The following ZNF804B variants were observed in gnomAD, a reference collection of about 807,000 sequenced individuals.
ZNF804B encodes the protein zinc finger protein 804B, also known as zinc finger 804B.
Under a neutral mutation model 101.4 loss-of-function variants are expected in ZNF804B, and 80 were observed. The observed-to-expected ratio is 0.79, with a 90% CI of 0.66 to 0.95. ZNF804B has a LOEUF of 0.95. Ranked by LOEUF, ZNF804B falls within the 40% of genes least tolerant of loss-of-function variation. ZNF804B has a pLI of 0.00. For missense variants in ZNF804B, 1,673 were observed against 1,561.9 expected (o/e 1.07, Z -1.20); for synonymous variants, 622 against 558.8 (o/e 1.11, Z -1.59).
At chr7:88,879,158 G>A (rs773701390) in intron 1 of ZNF804B, among the ~76,000 whole-genome samples, 5 of 152,230 alleles carry the variant, frequency 3.3e-5, no homozygotes, top group South Asian at 2.1e-4. Context: ...GAATGTTAGC[G>A]TCAATTACTG....
At chr7:88,929,601 T>G (rs962928108) in intron 1 of ZNF804B, among the ~76,000 whole-genome samples, 4 of 151,986 alleles carry the variant, frequency 2.6e-5, no homozygotes, top group African/African-American at 7.2e-5. Context: ...ATCTGTCACT[T>G]TCTCTGTATG....
At chr7:88,927,002 A>G (rs1042415130) in intron 1 of ZNF804B, among the ~76,000 whole-genome samples, 1 of 151,550 alleles carries the variant, frequency 6.6e-6, no homozygotes, top group African/African-American at 2.4e-5. Flanking sequence ...AAAGAATTAA[A>G]AAGTGAGTGG....
At chr7:89,053,414 A>G (rs1789239318) in intron 1 of ZNF804B, among the ~76,000 whole-genome samples, 1 of 152,090 alleles carries the variant, frequency 6.6e-6, no homozygotes, top group Admixed American at 6.6e-5. Flanking sequence ...GGCAATTTAC[A>G]CTGAATAATA....
chr7:88,846,049 G>C (rs1485915429), intron 1 of ZNF804B, among the ~76,000 whole-genome samples: 1 of 152,172 alleles, frequency 6.6e-6, no homozygotes, highest in Admixed American at 6.5e-5. Flanking sequence ...AGTGCAGAAA[G>C]GCACTGGTGG....
At chr7:88,806,253 T>C (rs1766393024) in intron 1 of ZNF804B, among the ~76,000 whole-genome samples, 1 of 152,188 alleles carries the variant, frequency 6.6e-6, no homozygotes, top group Non-Finnish European at 1.5e-5. Context: ...AGTCAAATAT[T>C]AAAATTATTT....
At chr7:89,026,546 G>C (rs1003041125) in intron 1 of ZNF804B, among the ~76,000 whole-genome samples, 1 of 152,108 alleles carries the variant, frequency 6.6e-6, no homozygotes, top group Non-Finnish European at 1.5e-5. Flanking sequence ...CAAAAATTTG[G>C]TTATGAAATA....
chr7:88,922,537 T>G lies in ZNF804B; in HGVS notation c.108+162453T>G, dbSNP rs370953241. ...TATGTATTAAAGGATATTTATGTACTAAAGCTAATTCTTGTCAACCCTTAT... is the reference window on the plus strand; with the variant it reads ...TATGTATTAAAGGATATTTATGTACGAAAGCTAATTCTTGTCAACCCTTAT... On this transcript the variant is annotated intron_variant, in intron 1 of 3. Transcript: ENST00000333190. Among the ~76,000 whole-genome samples, 26 of 152,140 alleles carry G rather than the reference T, an allele frequency of 1.7e-4. No homozygotes were observed. The East Asian group carries it at 4.8e-3, about 28-fold the overall frequency.
intron 1 of ZNF804B, among the ~76,000 whole-genome samples, chr7:89,174,504 A>G (rs1791288871): frequency 1.3e-5 from 2 of 152,006 alleles, no homozygotes; most frequent in South Asian, 4.1e-4. Flanking sequence ...CTGTTGATGG[A>G]CACACAAGTT....
chr7:89,290,007 C>G (rs978714527), intron 2 of ZNF804B, among the ~76,000 whole-genome samples: 1 of 152,148 alleles, frequency 6.6e-6, no homozygotes, highest in Non-Finnish European at 1.5e-5. Context: ...TGTCTTGCAT[C>G]TTGGATACCA....
rs2116010936 is a variant in ZNF804B at position 89,336,485 on chromosome 7, A to G, written c.3503A>G (p.His1168Arg). ...ATCCTACAGCTACAAGCCCAGCAGC[A>G]TATGCAGAAGCAACTCCTATCAAAG... ...YKILQLQAQQHMQKQLLSKHL... is the reference protein window; with the variant it reads ...YKILQLQAQQRMQKQLLSKHL... Residue 1168 changes from histidine (H) to arginine (R), a missense_variant, in exon 4 of 4, where the codon CAT becomes CGT. Coordinates refer to ENST00000333190, the MANE Select transcript of ZNF804B (RefSeq NM_181646.5). 1 of 1,614,104 alleles carries G rather than the reference A, an allele frequency of 6.2e-7. No homozygotes were observed. The highest frequency in any genetic ancestry group is 2.2e-5 in the East Asian group (1 of 44,872).
chr7:88,877,272 T>G (rs1791968492), intron 1 of ZNF804B, among the ~76,000 whole-genome samples: 2 of 150,428 alleles, frequency 1.3e-5, no homozygotes, highest in African/African-American at 4.9e-5. Context: ...AGATACTGAC[T>G]GATAAGTAGA....
chr7:88,794,408 G>A (rs1790439547), intron 1 of ZNF804B: 1 of 1,613,612 alleles, frequency 6.2e-7, no homozygotes. Context: ...GACAGTTTAT[G>A]AGTTTGTGTG....
At chr7:89,302,131 T>G (rs547255587) in intron 2 of ZNF804B, among the ~76,000 whole-genome samples, 5 of 151,998 alleles carry the variant, frequency 3.3e-5, no homozygotes, top group African/African-American at 1.2e-4. Context: ...ACCAATTGTC[T>G]ACATCTGTTG....
chr7:88,871,133 T>C (rs1222614576), intron 1 of ZNF804B, among the ~76,000 whole-genome samples: 15 of 152,178 alleles, frequency 9.9e-5, no homozygotes. Flanking sequence ...AAATGATTGA[T>C]ATGTTGAATT....
In ZNF804B at chr7:88,932,757, T is replaced by TA. The variant is rs1455074289; in HGVS notation, c.108+172679dup. 3.3e-5 allele frequency among the ~76,000 whole-genome samples: 5 copies of TA among 151,514 alleles called. No individual in the cohort carries two copies. The South Asian group carries it at 8.3e-4, about 25-fold the overall frequency. The stretch of plus-strand genomic sequence containing the variant: ...AGCGAGATTGAATCAGTAATAATAA[T>TA]AAAAAATGCCCACAAAAAGTCCAGA... On this transcript the variant is annotated intron_variant, in intron 1 of 3. Transcript: ENST00000333190.
intron 1 of ZNF804B, chr7:88,794,501 C>G (rs369839861): frequency 1.2e-6 from 2 of 1,613,834 alleles, no homozygotes; most frequent in South Asian, 2.2e-5. Flanking sequence ...ATCACTGAAA[C>G]ATGCCATTGC....
At chr7:89,206,518 G>T (rs769003455) in intron 1 of ZNF804B, among the ~76,000 whole-genome samples, 2 of 152,108 alleles carry the variant, frequency 1.3e-5, no homozygotes, top group African/African-American at 4.8e-5. Flanking sequence ...TTGGGAGGCC[G>T]AGGAGAGTGG....
At chr7:89,241,753 T>A (rs1184444201) in intron 2 of ZNF804B, among the ~76,000 whole-genome samples, 1 of 151,976 alleles carries the variant, frequency 6.6e-6, no homozygotes, top group Non-Finnish European at 1.5e-5. Flanking sequence ...TTTTCTTTTA[T>A]GCCTGCAACT....
chr7:89,273,775 C>T lies in ZNF804B; in HGVS notation c.250-53569C>T, dbSNP rs138476484. ...TGGTAGATTTAAATTTGCTCCCAAA[C>T]TTCAATTTAATTCTCATTTCCTAGG... On this transcript the variant is annotated intron_variant, in intron 2 of 3. Transcript: ENST00000333190. Among the ~76,000 whole-genome samples the T allele has an allele frequency of 3.3e-3, 496 of 152,244 alleles. 6 individuals carry two copies. The highest frequency in any genetic ancestry group is 0.027 in the Middle Eastern group (8 of 294).
Sources: allele counts gnomAD v4.1 joint callset (sites outside exome capture counted in the v4.1 genomes callset), GRCh38; gene constraint gnomAD v4.1.1; transcripts MANE v1.5; gene names NCBI Gene and HGNC (gene_info 2026-07-23, HGNC 2026-07-21).